Variants in SLC25A21 observed in about 807,000 individuals in gnomAD.
SLC25A21 encodes the protein solute carrier family 25 member 21.
In SLC25A21, 47 loss-of-function variants were observed where a neutral mutation model predicts 43.8. That is an observed-to-expected ratio of 1.07 (90% CI 0.85 to 1.37). The LOEUF is 1.37. SLC25A21 is among the 40% of genes most tolerant of loss of function. The pLI is 0.00. For missense variants in SLC25A21, 352 were observed against 350.2 expected, an observed-to-expected ratio of 1.00 and a Z score of -0.04; for synonymous variants, 131 against 121.3, an observed-to-expected ratio of 1.08 and a Z score of -0.52.
intron 1 of SLC25A21, among the ~76,000 whole-genome samples, chr14:36,975,282 G>A (rs1336728913): frequency 2.6e-5 from 4 of 152,152 alleles, no homozygotes; most frequent in African/African-American, 7.2e-5. Context: ...ATTGATGGGC[G>A]TTTGAGCTGG....
At chr14:37,135,786 C>G (rs7154336) in intron 1 of SLC25A21, among the ~76,000 whole-genome samples, 7,509 of 152,184 alleles carry the variant, frequency 0.049, 621 homozygotes, top group African/African-American at 0.17. Flanking sequence ...GGTTTGAATC[C>G]CAGCGCTGCC....
At chr14:36,869,574 A>C (rs1890309642) in intron 2 of SLC25A21, among the ~76,000 whole-genome samples, 1 of 152,184 alleles carries the variant, frequency 6.6e-6, no homozygotes, top group Non-Finnish European at 1.5e-5. Flanking sequence ...AACTAGAAGC[A>C]AGAGCACTGC....
At position 36,766,592 on chromosome 14, in the gene SLC25A21, A is replaced by C. The variant is rs557625456; in HGVS notation, c.204-32019T>G. 3.3e-5 allele frequency among the ~76,000 whole-genome samples: 5 copies of C among 152,282 alleles called. No homozygotes were observed. In the East Asian group the frequency reaches 7.7e-4, roughly 24 times the overall value. ...TCCTTTTCTTCACAAGTTGCAACCCAGAGTGGGTTGCTGGTTGCTCTTTGA... is the reference window on the plus strand; with the variant it reads ...TCCTTTTCTTCACAAGTTGCAACCCCGAGTGGGTTGCTGGTTGCTCTTTGA... On this transcript the variant is annotated intron_variant, in intron 3 of 9. Transcript: ENST00000331299.
rs926066864 is a variant in SLC25A21, at chr14:37,152,939, G to A, written c.70+19342C>T. On this transcript the variant is annotated intron_variant, in intron 1 of 9. Coordinates refer to ENST00000331299, the MANE Select transcript of SLC25A21 (RefSeq NM_030631.4). ...TCAAATACGTTATCCAAGACAGAAT[G>A]CTGATGCTCAACACAGAAGAGACAG... is the stretch of plus-strand genomic sequence containing the variant. Among the ~76,000 whole-genome samples the A allele has an allele frequency of 3.9e-5, 6 of 152,180 alleles. No homozygotes were observed. The South Asian group carries it at 6.2e-4, about 16-fold the overall frequency.
intron 1 of SLC25A21, among the ~76,000 whole-genome samples, chr14:36,882,228 C>T (rs1890753261): frequency 6.6e-6 from 1 of 152,022 alleles, no homozygotes; most frequent in Admixed American, 6.6e-5. Flanking sequence ...ACAAAAAATA[C>T]AAAAATTAGT....
intron 3 of SLC25A21, among the ~76,000 whole-genome samples, chr14:36,782,991 A>G (rs935986448): frequency 4.0e-5 from 6 of 150,588 alleles, no homozygotes; most frequent in African/African-American, 1.5e-4. Flanking sequence ...AAAATAAAAA[A>G]AATAAAAATA....
At chr14:36,740,628 C>G (rs1448173170) in intron 3 of SLC25A21, among the ~76,000 whole-genome samples, 1 of 133,688 alleles carries the variant, frequency 7.5e-6, no homozygotes, top group Non-Finnish European at 1.7e-5. Flanking sequence ...TTCAACCCCC[C>G]CACCCCCATC....
At chr14:36,918,424 A>G (rs2138620852) in intron 1 of SLC25A21, among the ~76,000 whole-genome samples, 1 of 152,276 alleles carries the variant, frequency 6.6e-6, no homozygotes, top group East Asian at 1.9e-4. Context: ...CCAGTTTCCT[A>G]AATAACTTAT....
intron 2 of SLC25A21, among the ~76,000 whole-genome samples, chr14:36,829,598 A>G (rs945130759): frequency 3.3e-5 from 5 of 152,106 alleles, no homozygotes; most frequent in Admixed American, 3.3e-4. Context: ...TCATGTACAA[A>G]CTGTCTTCAA....
At chr14:36,836,590 T>A (rs927580919) in intron 2 of SLC25A21, among the ~76,000 whole-genome samples, 5 of 152,140 alleles carry the variant, frequency 3.3e-5, no homozygotes, top group Admixed American at 6.5e-5. Flanking sequence ...TGAGTGTTGA[T>A]CTCTGGGCTC....
At chr14:36,832,732 C>T (rs1338073721) in intron 2 of SLC25A21, among the ~76,000 whole-genome samples, 3 of 152,106 alleles carry the variant, frequency 2.0e-5, no homozygotes, top group Admixed American at 6.5e-5. Context: ...CAGCTTTATG[C>T]CTTTTTAAGA....
intron 1 of SLC25A21, among the ~76,000 whole-genome samples, chr14:37,082,402 A>C (rs994758159): frequency 6.6e-6 from 1 of 152,188 alleles, no homozygotes; most frequent in Non-Finnish European, 1.5e-5. Flanking sequence ...TCAAAGTTGA[A>C]ATTTTTTAAA....
chr14:36,811,765 T>C (rs1888276009), intron 3 of SLC25A21, among the ~76,000 whole-genome samples: 2 of 152,232 alleles, frequency 1.3e-5, no homozygotes, highest in Non-Finnish European at 2.9e-5. Context: ...CATTTCAAAA[T>C]GAAATTTAAT....
chr14:36,888,189 C>T (rs1340446764), intron 1 of SLC25A21, among the ~76,000 whole-genome samples: 3 of 152,136 alleles, frequency 2.0e-5, no homozygotes, highest in African/African-American at 7.2e-5. Context: ...GTTCAAATAG[C>T]TTTACAATTA....
chr14:36,756,680 G>A (rs1885943274), intron 3 of SLC25A21, among the ~76,000 whole-genome samples: 1 of 152,192 alleles, frequency 6.6e-6, no homozygotes, highest in Admixed American at 6.5e-5. Flanking sequence ...CTCAAGAGAT[G>A]CTATGATTGA....
At chr14:37,006,744 T>G (rs550807778) in intron 1 of SLC25A21, among the ~76,000 whole-genome samples, 1 of 152,242 alleles carries the variant, frequency 6.6e-6, no homozygotes, top group East Asian at 1.9e-4. Flanking sequence ...TTTATGGTAG[T>G]TACCCTTTTA....
At chr14:36,971,191 T>C (rs1225122825) in intron 1 of SLC25A21, among the ~76,000 whole-genome samples, 3 of 152,196 alleles carry the variant, frequency 2.0e-5, no homozygotes, top group African/African-American at 4.8e-5. Flanking sequence ...GGTAAGGAAG[T>C]CCTTGGTAAG....
intron 1 of SLC25A21, among the ~76,000 whole-genome samples, chr14:36,959,969 T>C (rs1014797390): frequency 6.6e-6 from 1 of 152,078 alleles, no homozygotes; most frequent in Non-Finnish European, 1.5e-5. Flanking sequence ...GCCTGTTAGA[T>C]CCCCCATCTG....
intron 4 of SLC25A21, among the ~76,000 whole-genome samples, chr14:36,731,454 T>C (rs1328132495): frequency 6.6e-6 from 1 of 152,160 alleles, no homozygotes; most frequent in Non-Finnish European, 1.5e-5. Context: ...TAGATTATCA[T>C]TAAATAAGAT....
Sources: gnomAD v4.1 joint callset for allele counts (sites outside exome capture counted in the v4.1 genomes callset) on GRCh38, gnomAD v4.1.1 for gene constraint, MANE v1.5 for transcripts, NCBI Gene and HGNC (gene_info 2026-07-23, HGNC 2026-07-21) for gene names.